The following ZMYM1 variants were observed in gnomAD, a reference collection of about 807,000 sequenced individuals.
ZMYM1 encodes zinc finger MYM-type containing 1.
ZMYM1 carries 39 observed loss-of-function variants against 60.0 expected under a neutral mutation model. That is an observed-to-expected ratio of 0.65 (90% CI 0.50 to 0.85). ZMYM1 has a LOEUF of 0.85. ZMYM1 is among the 40% of genes least tolerant of loss of function. ZMYM1 has a pLI of 0.00. For missense variants in ZMYM1, 1,171 were observed against 1,309.5 expected, an observed-to-expected ratio of 0.89 and a Z score of 1.63; for synonymous variants, 413 against 454.0, an observed-to-expected ratio of 0.91 and a Z score of 1.15.
At chr1:35,088,866 C>G (rs1642832239) in intron 1 of ZMYM1, among the ~76,000 whole-genome samples, 1 of 138,254 alleles carries the variant, frequency 7.2e-6, no homozygotes, top group African/African-American at 2.7e-5. Flanking sequence ...AGCTGGAGTG[C>G]AATGGCATGA....
intron 6 of ZMYM1, among the ~76,000 whole-genome samples, chr1:35,105,118 A>C (rs375000200): frequency 6.5e-5 from 8 of 123,576 alleles, no homozygotes; most frequent in Non-Finnish European, 1.0e-4. Context: ...TATTTATTTT[A>C]TTTCTTTCTT....
chr1:35,065,046 AT>A (rs1641948225), intron 1 of ZMYM1, among the ~76,000 whole-genome samples: 1 of 151,962 alleles, frequency 6.6e-6, no homozygotes, highest in African/African-American at 2.4e-5. Context: ...AAATTAGAAT[AT>A]TTTAATTGAA....
intron 1 of ZMYM1, among the ~76,000 whole-genome samples, chr1:35,089,895 G>A (rs1642897109): frequency 6.8e-6 from 1 of 147,770 alleles, no homozygotes; most frequent in Non-Finnish European, 1.5e-5. Flanking sequence ...ACAGGTGCCC[G>A]ATATAAGGCT....
At chr1:35,074,892 C>T (rs1242599960), upstream of ZMYM1, among the ~76,000 whole-genome samples, 3 of 149,700 alleles carry the variant, frequency 2.0e-5, no homozygotes, top group Non-Finnish European at 4.5e-5. Context: ...ACAGTGTCTC[C>T]CTCCATCGCC....
chr1:35,111,295 T>G (rs1557709182), intron 7 of ZMYM1, among the ~76,000 whole-genome samples: 1 of 152,084 alleles, frequency 6.6e-6, no homozygotes, highest in Non-Finnish European at 1.5e-5. Flanking sequence ...GACCATAGAG[T>G]GACTAATGCC....
At chr1:35,085,294 G>A (rs561871665) in intron 1 of ZMYM1, among the ~76,000 whole-genome samples, 8 of 152,164 alleles carry the variant, frequency 5.3e-5, no homozygotes, top group South Asian at 4.1e-4. Context: ...TGATCCACCC[G>A]CCTCGGCCTC....
In ZMYM1 at chr1:35,113,395, C is replaced by A. The variant is rs1199678155; in HGVS notation, c.1565C>A (p.Ser522Ter). The A allele has an allele frequency of 6.2e-7, 1 of 1,613,768 alleles. No homozygotes were observed. The highest frequency in any genetic ancestry group is 1.1e-5 in the South Asian group (1 of 91,022). The change falls in exon 10 of 10, where the codon TCA becomes TAA. Residue 522 changes from serine (S) to a stop codon, truncating the protein, a stop_gained. Transcript: ENST00000359858. LOFTEE classifies it high-confidence loss of function. The stretch of plus-strand genomic sequence containing the variant: ...GAAAAAAGTGAAATGCATTTGAAGT[C>A]ATTGGAATTTTGGAGAGAATACCAA... ...KHEKSEMHLK[S>*]LEFWREYQFC...
At chr1:35,101,997 A>G (rs1643685532) in intron 4 of ZMYM1, among the ~76,000 whole-genome samples, 1 of 152,200 alleles carries the variant, frequency 6.6e-6, no homozygotes, top group Admixed American at 6.5e-5. Flanking sequence ...TTTAAATGAA[A>G]AATACCCATA....
Position 35,112,087 on chromosome 1 carries a change from A to G in ZMYM1, c.1103A>G (p.Asp368Gly). 6.2e-7 allele frequency: 1 copy of G among 1,613,024 alleles called. No homozygotes were observed. The highest frequency in any genetic ancestry group is 2.2e-5 in the East Asian group (1 of 44,814). ...LPIMNTDVLQ[D>G]TVSSVTATAD... ...TTGAATTTATGCTCTATTTTAACAG[A>G]TACAGTTTCTTCAGTAACAGCAACA... is the stretch of plus-strand genomic sequence containing the variant. Residue 368 changes from aspartate (D) to glycine (G), a missense_variant and splice_region_variant, in exon 9 of 10, where the codon GAT becomes GGT. Coordinates refer to ENST00000359858, the MANE Select transcript of ZMYM1 (RefSeq NM_024772.5).
At chr1:35,086,339 C>T (rs901072408) in intron 1 of ZMYM1, among the ~76,000 whole-genome samples, 2 of 152,056 alleles carry the variant, frequency 1.3e-5, no homozygotes, top group Non-Finnish European at 2.9e-5. Context: ...GAATCTTACT[C>T]TGTCACACAG....
chr1:35,084,676 C>T (rs990557931), intron 1 of ZMYM1, among the ~76,000 whole-genome samples: 8 of 152,222 alleles, frequency 5.3e-5, no homozygotes, highest in African/African-American at 1.7e-4. Flanking sequence ...ACTCTCAACT[C>T]AGCATAGCTG....
chr1:35,111,909 C>G lies in ZMYM1; in HGVS notation c.1099C>G (p.Gln367Glu), dbSNP rs1295893678. Residue 367 changes from glutamine (Q) to glutamate (E), a missense_variant, in exon 8 of 10, where the codon CAA becomes GAA. Gln to Glu is a conservative substitution (Grantham distance 29). Transcript: ENST00000359858. ...ALPIMNTDVL[Q>E]DTVSSVTATA... is the part of the protein sequence containing the mutation. ...GCCCATCATGAACACTGATGTCTTA[C>G]AAGGTAAAAGTTGATGTTAAGATAT... 4 of 1,585,704 alleles carry G rather than the reference C, an allele frequency of 2.5e-6. No homozygotes were observed. The highest frequency in any genetic ancestry group is 1.4e-5 in the African/African-American group (1 of 74,036).
chr1:35,108,145 C>T (rs1021870554), intron 6 of ZMYM1, among the ~76,000 whole-genome samples: 1 of 151,956 alleles, frequency 6.6e-6, no homozygotes, highest in Admixed American at 6.6e-5. Context: ...TAAATTATGC[C>T]ACTATTGTTG....
At chr1:35,108,036 G>C (rs1387500468) in intron 6 of ZMYM1, among the ~76,000 whole-genome samples, 1 of 151,864 alleles carries the variant, frequency 6.6e-6, no homozygotes, top group Non-Finnish European at 1.5e-5. Flanking sequence ...CTTGAACCTG[G>C]GGAAGGTAAA....
At chr1:35,061,313 A>G (rs1221534188) in intron 1 of ZMYM1, among the ~76,000 whole-genome samples, 2 of 152,234 alleles carry the variant, frequency 1.3e-5, no homozygotes, top group African/African-American at 4.8e-5. Context: ...GACACATACT[A>G]CTAAACTGTT....
At chr1:35,100,957 C>T (rs1643614564) in intron 4 of ZMYM1, among the ~76,000 whole-genome samples, 1 of 151,962 alleles carries the variant, frequency 6.6e-6, no homozygotes, top group African/African-American at 2.4e-5. Context: ...GCACATGCCA[C>T]CCTGCCTGTC....
downstream of ZMYM1, among the ~76,000 whole-genome samples, chr1:35,117,339 A>C (rs565675489): frequency 5.5e-4 from 83 of 151,896 alleles, no homozygotes; most frequent in African/African-American, 2.0e-3. Flanking sequence ...ATTTTTTAAG[A>C]CGGAGTCTCG....
intron 1 of ZMYM1, among the ~76,000 whole-genome samples, chr1:35,085,178 G>A (rs1320414543): frequency 6.6e-6 from 1 of 151,944 alleles, no homozygotes; most frequent in African/African-American, 2.4e-5. Flanking sequence ...CTCCGAAGTA[G>A]CTGGGACTAC....
At position 35,115,255 on chromosome 1, in the gene ZMYM1, T is replaced by C. The variant is rs746700052; in HGVS notation, c.3425T>C (p.Ile1142Thr). 8 of 1,577,410 alleles carry C rather than the reference T, an allele frequency of 5.1e-6. No homozygotes were observed. The highest frequency in any genetic ancestry group is 4.7e-5 in the South Asian group (4 of 84,542). The change falls in exon 10 of 10, where the codon ATA becomes ACA. Residue 1142 changes from isoleucine to threonine, a missense_variant. Ile to Thr is a moderately conservative substitution (Grantham distance 89, BLOSUM62 -1). Coordinates refer to ENST00000359858, the MANE Select transcript of ZMYM1 (RefSeq NM_024772.5). ...VEKFISQMKE[I>T] Reference sequence around the variant, plus strand: ...AAGTTTATCAGTCAGATGAAAGAAATATAATACATGCTCATTTGAACTTAC... The same window carrying C: ...AAGTTTATCAGTCAGATGAAAGAAACATAATACATGCTCATTTGAACTTAC...
Sources: gnomAD v4.1 joint callset for allele counts (sites outside exome capture counted in the v4.1 genomes callset) on GRCh38, gnomAD v4.1.1 for gene constraint, MANE v1.5 for transcripts, NCBI Gene and HGNC (gene_info 2026-07-23, HGNC 2026-07-21) for gene names.